The following FANCI variants were observed in gnomAD, a reference collection of about 807,000 sequenced individuals.
The protein encoded by FANCI is Fanconi anemia group I protein.
Under a neutral mutation model 176.1 loss-of-function variants are expected in FANCI, and 156 were observed. That is an observed-to-expected ratio of 0.89 (90% CI 0.78 to 1.01). FANCI has a LOEUF of 1.01. Ranked by LOEUF, FANCI falls within the 50% of genes least tolerant of loss-of-function variation. FANCI has a pLI of 0.00. For missense variants in FANCI, 1,678 were observed against 1,534.1 expected, an observed-to-expected ratio of 1.09 and a Z score of -1.57; for synonymous variants, 613 against 541.7, an observed-to-expected ratio of 1.13 and a Z score of -1.83.
Position 89,281,192 on chromosome 15 carries a change from G to A in FANCI, c.1404G>A (p.Met468Ile), listed in dbSNP as rs2053602013. ...CAGACCTGCTTTCAAATATCGTCAT[G>A]TATGCACCCTTAGTTCTTCAAAGTT... ...HFLDLLSNIV[M>I]YAPLVLQSCS... Residue 468 changes from methionine (M) to isoleucine (I), a missense_variant, in exon 15 of 38, where the codon ATG (methionine) becomes ATA (isoleucine). Physicochemically the swap from Met to Ile is conservative, Grantham distance 10. Transcript: ENST00000310775. 6.2e-7 allele frequency: 1 copy of A among 1,613,736 alleles called. No homozygotes were observed. Among genetic ancestry groups the A allele is most frequent in the Non-Finnish European group, 8.5e-7 (1 of 1,179,740 alleles).
intron 6 of FANCI, among the ~76,000 whole-genome samples, chr15:89,262,581 A>G (rs980976596): frequency 1.2e-4 from 18 of 152,232 alleles, no homozygotes; most frequent in Non-Finnish European, 2.5e-4. Flanking sequence ...TAAAAAGAAC[A>G]AGAAGGGAAT....
rs370974309 is a variant in FANCI, at chr15:89,306,235, C to G, written c.3537+41C>G. The G allele has an allele frequency of 5.0e-6, 8 of 1,599,346 alleles. No homozygotes were observed. The African/African-American group carries it at 8.0e-5, about 16-fold the overall frequency. On this transcript the variant is annotated intron_variant, in intron 32 of 37. Transcript: ENST00000310775. Reference sequence around the variant, plus strand: ...AAGCAGATTCGCCCCACCATTCTACCCCAGTGAGCCAGGAGATGAGGATGG... The same window carrying G: ...AAGCAGATTCGCCCCACCATTCTACGCCAGTGAGCCAGGAGATGAGGATGG...
chr15:89,302,604 C>G (rs1381665280), intron 27 of FANCI, among the ~76,000 whole-genome samples: 2 of 150,086 alleles, frequency 1.3e-5, no homozygotes, highest in African/African-American at 2.5e-5. Flanking sequence ...GACAGAGTCT[C>G]GCTCTGTCTC....
chr15:89,305,734 A>G, intron 31 of FANCI, 36 bp downstream of exon 31: 1 of 1,591,740 alleles, frequency 6.3e-7, no homozygotes. Flanking sequence ...AGGAATTGAC[A>G]TGAGCAAGGT....
In FANCI at chr15:89,296,419, T is replaced by TTTTTTTG. The variant is rs1555448324; in HGVS notation, c.2636+1329_2636+1330insTTGTTTT. The stretch of plus-strand genomic sequence containing the variant: ...CACTGTGGCTTTTGTTTTTTCGTTT[T>TTTTTTTG]TTTTGTTTTGTTTTGTTTTTGTTTT... On this transcript the variant is annotated intron_variant, in intron 24 of 37. Coordinates refer to ENST00000310775, the MANE Select transcript of FANCI (RefSeq NM_001113378.2). Among the ~76,000 whole-genome samples, 375 of 133,806 alleles carry TTTTTTTG rather than the reference T, an allele frequency of 2.8e-3. 7 individuals are homozygous for TTTTTTTG. Among genetic ancestry groups the TTTTTTTG allele is most frequent in the East Asian group, 0.016 (74 of 4,746 alleles). The allele number at this position is 133,806 out of a possible 152,430, so 87.8% of individuals were successfully genotyped here. A position where few individuals can be genotyped will look rare whatever the true frequency, so the allele number is the denominator to read the frequency against.
At chr15:89,267,316 GT>G (rs2053005605) in intron 9 of FANCI, among the ~76,000 whole-genome samples, 1 of 141,908 alleles carries the variant, frequency 7.0e-6, no homozygotes. Context: ...GTGAATCCTT[GT>G]CTCAAAAAAA....
At position 89,263,448 on chromosome 15, in the gene FANCI, C is replaced by T. The variant is rs1230346078; in HGVS notation, c.533C>T (p.Thr178Ile). 1.2e-6 allele frequency: 2 copies of T among 1,612,646 alleles called. No homozygotes were observed. Among genetic ancestry groups the T allele is most frequent in the Admixed American group, 1.7e-5 (1 of 59,998 alleles). ...GATCAGCAATATGTAATCCAACTCACCTCCATGTTCAAGTAAGCATCATCT... is the reference window on the plus strand; with the variant it reads ...GATCAGCAATATGTAATCCAACTCATCTCCATGTTCAAGTAAGCATCATCT... ...RWDQQYVIQLTSMFKDVPLTA... is the reference protein window; with the variant it reads ...RWDQQYVIQLISMFKDVPLTA... Residue 178 changes from threonine (T) to isoleucine (I), a missense_variant, in exon 7 of 38, where the codon ACC becomes ATC. This residue lies in a region of FANCI where 469 missense variants were observed against 436.9 expected (regional missense o/e 1.07). Transcript: ENST00000310775.
chr15:89,283,515 A>C lies in FANCI; in HGVS notation c.1698+265A>C, dbSNP rs9806645. Among the ~76,000 whole-genome samples, 7,689 of 152,208 alleles carry C rather than the reference A, an allele frequency of 0.051. 632 individuals are homozygous for C. The highest frequency in any genetic ancestry group is 0.17 in the African/African-American group (7,191 of 41,470). ...GGCTATTGAATGGAACATTTGATTG[A>C]AATGTGGCTAGTCCACATTGTGTTG... On this transcript the variant is annotated intron_variant, in intron 17 of 37. Transcript: ENST00000310775.
chr15:89,248,343 A>G (rs1463853336), intron 2 of FANCI, among the ~76,000 whole-genome samples: 2 of 152,198 alleles, frequency 1.3e-5, no homozygotes, highest in East Asian at 3.8e-4. Context: ...TTCAAGGTAT[A>G]TGTACAAACA....
At chr15:89,306,813 ATAAC>A (rs2054740676) in intron 32 of FANCI, among the ~76,000 whole-genome samples, 1 of 152,148 alleles carries the variant, frequency 6.6e-6, no homozygotes, top group African/African-American at 2.4e-5. Context: ...AATCTAAACT[ATAAC>A]TATCCTAGAA....
In FANCI at chr15:89,251,070, TATA is replaced by T. The variant is rs150823552; in HGVS notation, c.84+3345_84+3347del. Among the ~76,000 whole-genome samples, 1,094 of 152,090 alleles carry T rather than the reference TATA, an allele frequency of 7.2e-3. 6 individuals are homozygous for T. The highest frequency in any genetic ancestry group is 0.025 in the African/African-American group (1,020 of 41,498). ...GGGGGAAAAAAACACCATTAATTAA[TATA>T]ATAATCAAAACAGTGGAGTAAAAAC... On this transcript the variant is annotated intron_variant, in intron 2 of 37. Transcript: ENST00000310775.
At chr15:89,252,299 T>C (rs1375827212) in intron 2 of FANCI, among the ~76,000 whole-genome samples, 1 of 130,112 alleles carries the variant, frequency 7.7e-6, no homozygotes, top group Non-Finnish European at 1.7e-5. Flanking sequence ...AGATTCCATC[T>C]AAAAAAAAAA....
Position 89,279,306 on chromosome 15 carries a change from C to T in FANCI, c.1381+532C>T, listed in dbSNP as rs556647943. Among the ~76,000 whole-genome samples, 24 of 152,192 alleles carry T rather than the reference C, an allele frequency of 1.6e-4. No individual in the cohort carries two copies. The South Asian group carries it at 4.4e-3, about 28-fold the overall frequency. On this transcript the variant is annotated intron_variant, in intron 14 of 37. Coordinates refer to ENST00000310775, the MANE Select transcript of FANCI (RefSeq NM_001113378.2). The stretch of plus-strand genomic sequence containing the variant: ...CTCAGTAGCTGGGATTACAGGCGCA[C>T]GCTACCACACCCAGTTAATTTTTGT...
Position 89,297,132 on chromosome 15 carries a change from C to T in FANCI, c.2636+2038C>T, listed in dbSNP as rs1392980296. Among the ~76,000 whole-genome samples, 8 of 149,638 alleles carry T rather than the reference C, an allele frequency of 5.3e-5. No homozygotes were observed. The East Asian group carries it at 6.0e-4, about 11-fold the overall frequency. ...CTCACTTCTCAGACGGGGCGGCTGC[C>T]GGGCGGCAGGGCTCCTCACTTCTCA... On this transcript the variant is annotated intron_variant, in intron 24 of 37. Transcript: ENST00000310775.
intron 27 of FANCI, 76 bp from the exon 28 acceptor site, chr15:89,303,788 A>G: frequency 1.5e-6 from 2 of 1,317,572 alleles, no homozygotes; most frequent in Non-Finnish European, 2.2e-6. Flanking sequence ...GGAAAGGTCT[A>G]GAACTCTTCT....
At chr15:89,260,372 T>C (rs114946143) in intron 3 of FANCI, among the ~76,000 whole-genome samples, 3 of 152,188 alleles carry the variant, frequency 2.0e-5, no homozygotes, top group Admixed American at 1.3e-4. Flanking sequence ...GCTAAATGTT[T>C]TGATTTTAAA....
chr15:89,291,747 T>C, intron 20 of FANCI, 33 bp downstream of exon 20: 1 of 1,556,202 alleles, frequency 6.4e-7, no homozygotes, highest in Non-Finnish European at 8.9e-7. Flanking sequence ...AACCATTATT[T>C]TTAGTATTAA....
chr15:89,311,533 C>T (rs1216001508), intron 34 of FANCI, among the ~76,000 whole-genome samples: 1 of 152,202 alleles, frequency 6.6e-6, no homozygotes, highest in Non-Finnish European at 1.5e-5. Flanking sequence ...ATCTTGGACA[C>T]AACCTCTGGG....
At chr15:89,316,158 A>G in intron 37 of FANCI, 2 of 552,100 alleles carry the variant, frequency 3.6e-6, no homozygotes, top group Non-Finnish European at 3.3e-6. Context: ...TTTGTCCCAT[A>G]AGTATCCTCA....
Sources: gnomAD v4.1 joint callset for allele counts (sites outside exome capture counted in the v4.1 genomes callset) on GRCh38, gnomAD v4.1.1 for gene constraint, gnomAD v4.1.1 regional missense constraint, MANE v1.5 for transcripts, NCBI Gene and HGNC (gene_info 2026-07-23, HGNC 2026-07-21) for gene names.